The following CSMD1 variants were observed in gnomAD, a reference collection of about 807,000 sequenced individuals.
The protein encoded by CSMD1 is CUB and sushi domain-containing protein 1.
A neutral mutation model predicts 417.5 loss-of-function variants in CSMD1; 213 were observed. The observed-to-expected ratio is 0.51, with a 90% confidence interval of 0.46 to 0.57. CSMD1 has a LOEUF of 0.57. Ranked by LOEUF, CSMD1 falls within the 20% of genes least tolerant of loss-of-function variation. The pLI is 0.00. For missense variants in CSMD1, 6,923 were observed against 4,529.7 expected, an observed-to-expected ratio of 1.53 and a Z score of -15.17; for synonymous variants, 2,862 against 1,736.8, an observed-to-expected ratio of 1.65 and a Z score of -16.11.
chr8:4,880,667 CAGAG>C (rs1212906233), intron 1 of CSMD1, among the ~76,000 whole-genome samples: 2 of 152,056 alleles, frequency 1.3e-5, no homozygotes, highest in Admixed American at 6.5e-5. Context: ...GAAGTGGAGA[CAGAG>C]AGACTTTTCT....
intron 3 of CSMD1, among the ~76,000 whole-genome samples, chr8:4,236,026 G>GTTTTTTTTTTTTTTTTTTTT (rs147378202): frequency 1.9e-5 from 2 of 108,086 alleles, no homozygotes; most frequent in African/African-American, 8.4e-5. Context: ...AATGGATATT[G>GTTTTTTTTTTTTTTTTTTTT]TTTTTTTTGT....
intron 40 of CSMD1, among the ~76,000 whole-genome samples, chr8:3,150,746 G>C (rs1010127471): frequency 6.6e-6 from 1 of 151,988 alleles, no homozygotes; most frequent in Non-Finnish European, 1.5e-5. Flanking sequence ...AAAATACGAA[G>C]GAAACCAGGA....
At chr8:4,864,476 C>G (rs541834232) in intron 1 of CSMD1, among the ~76,000 whole-genome samples, 2 of 151,930 alleles carry the variant, frequency 1.3e-5, no homozygotes, top group East Asian at 1.9e-4. Context: ...AATCATTGCT[C>G]AGAAACCCTA....
In CSMD1 at chr8:3,609,917, T is replaced by A. The variant is rs184213310; in HGVS notation, c.1097+6793A>T. Among the ~76,000 whole-genome samples, 1,059 of 140,468 alleles carry A rather than the reference T, an allele frequency of 7.5e-3. 13 individuals carry two copies. Among genetic ancestry groups the A allele is most frequent in the African/African-American group, 0.027 (1,022 of 38,506 alleles). The allele number at this position is 140,468 out of a possible 152,430, so 92.2% of individuals were successfully genotyped here. A position where few individuals can be genotyped will look rare whatever the true frequency, so the allele number is the denominator to read the frequency against. On this transcript the variant is annotated intron_variant, in intron 8 of 69. Coordinates refer to ENST00000635120, the MANE Select transcript of CSMD1 (RefSeq NM_033225.6). ...CCTGGGTTCAAACGATTCTCCTGCC[T>A]CAGCCTCCCAAGTAGCTGGGACTAC...
rs756509935 is a variant in CSMD1, at chr8:4,031,907, C to G, written c.608G>C (p.Arg203Thr). 4 of 1,612,648 alleles carry G rather than the reference C, an allele frequency of 2.5e-6. No individual in the cohort carries two copies. Among genetic ancestry groups the G allele is most frequent in the South Asian group, 1.1e-5 (1 of 90,940 alleles). Residue 203 changes from arginine to threonine, a missense_variant and splice_region_variant, in exon 4 of 70, where the codon AGA becomes ACA. Transcript: ENST00000635120. ...ASWDFPAPFCRAEGACGGTLR... is the reference protein window; with the variant it reads ...ASWDFPAPFCTAEGACGGTLR... ...CCAGCCCCCTTGTAGCACTGTACCT[C>G]TGCAAAAGGGAGCTGGGAAGTCCCA... is the stretch of plus-strand genomic sequence containing the variant.
chr8:4,158,914 T>G (rs1050748519), intron 3 of CSMD1, among the ~76,000 whole-genome samples: 3 of 152,216 alleles, frequency 2.0e-5, no homozygotes, highest in African/African-American at 4.8e-5. Context: ...ATTATCTTTC[T>G]ATAATTATTA....
chr8:3,506,996 T>C (rs920704754), intron 10 of CSMD1, among the ~76,000 whole-genome samples: 3 of 152,222 alleles, frequency 2.0e-5, no homozygotes, highest in Non-Finnish European at 2.9e-5. Context: ...GTTTCTAATA[T>C]ACATTTTCAT....
At chr8:4,731,984 A>T (rs1335490944) in intron 1 of CSMD1, among the ~76,000 whole-genome samples, 1 of 152,158 alleles carries the variant, frequency 6.6e-6, no homozygotes, top group East Asian at 1.9e-4. Flanking sequence ...CAGCGTTATG[A>T]GAAGGAGGAG....
chr8:3,567,516 G>C (rs1033170690), intron 10 of CSMD1, among the ~76,000 whole-genome samples: 1 of 147,950 alleles, frequency 6.8e-6, no homozygotes, highest in African/African-American at 2.5e-5. Flanking sequence ...GGAGGGGAGG[G>C]GGAAGGGGAT....
chr8:4,665,948 C>T (rs1026874887), intron 1 of CSMD1, among the ~76,000 whole-genome samples: 11 of 152,168 alleles, frequency 7.2e-5, no homozygotes, highest in African/African-American at 1.9e-4. Context: ...CCAACATGAC[C>T]GTGCCACTCT....
chr8:3,906,171 G>C (rs908429026), intron 5 of CSMD1, among the ~76,000 whole-genome samples: 4 of 152,076 alleles, frequency 2.6e-5, no homozygotes, highest in African/African-American at 9.7e-5. Context: ...ACCTGCATTT[G>C]TGATATGGGT....
At chr8:3,372,928 G>T (rs1810064364) in intron 18 of CSMD1, among the ~76,000 whole-genome samples, 1 of 152,148 alleles carries the variant, frequency 6.6e-6, no homozygotes, top group African/African-American at 2.4e-5. Flanking sequence ...AGAGGACGGA[G>T]GAGTCCCGAA....
intron 2 of CSMD1, among the ~76,000 whole-genome samples, chr8:4,594,154 C>T (rs1029578452): frequency 6.0e-5 from 9 of 150,318 alleles, no homozygotes; most frequent in Non-Finnish European, 1.2e-4. Flanking sequence ...TTAGGACCCA[C>T]TCCAATTACC....
At chr8:4,588,900 G>T (rs935832565) in intron 2 of CSMD1, among the ~76,000 whole-genome samples, 1 of 152,094 alleles carries the variant, frequency 6.6e-6, no homozygotes, top group East Asian at 1.9e-4. Flanking sequence ...ACACTCCAGG[G>T]TGCCCTTTCA....
Position 3,106,494 on chromosome 8 carries a change from A to T in CSMD1, c.6949+34T>A, listed in dbSNP as rs755993743. ...ACAATACAATTTTCCATGTTGAATA[A>T]GTTTATGTAGTTTTAGTATCGAACA... On this transcript the variant is annotated intron_variant, in intron 46 of 69. Coordinates refer to ENST00000635120, the MANE Select transcript of CSMD1 (RefSeq NM_033225.6). The T allele has an allele frequency of 3.1e-6, 4 of 1,305,210 alleles. No individual in the cohort carries two copies. The African/African-American group carries it at 4.4e-5, about 14-fold the overall frequency. The allele number at this position is 1,305,210 out of a possible 1,614,324, so 80.9% of individuals were successfully genotyped here.
intron 18 of CSMD1, among the ~76,000 whole-genome samples, chr8:3,377,642 C>T (rs1260261856): frequency 6.6e-6 from 1 of 152,098 alleles, no homozygotes; most frequent in Non-Finnish European, 1.5e-5. Context: ...TTTGCTAAAC[C>T]TCCAGGAATT....
chr8:3,686,712 T>A (rs1212470757), intron 7 of CSMD1, among the ~76,000 whole-genome samples: 5 of 152,308 alleles, frequency 3.3e-5, no homozygotes, highest in Admixed American at 6.5e-5. Context: ...CTCGCCCAAG[T>A]CCCTTGGCCT....
chr8:4,883,002 A>G (rs1207656007), intron 1 of CSMD1, among the ~76,000 whole-genome samples: 3 of 152,080 alleles, frequency 2.0e-5, no homozygotes, highest in Non-Finnish European at 2.9e-5. Flanking sequence ...AAAATTGACA[A>G]TTAGCTGAGA....
intron 3 of CSMD1, among the ~76,000 whole-genome samples, chr8:4,076,346 A>C (rs967428792): frequency 2.6e-5 from 4 of 152,204 alleles, no homozygotes; most frequent in Non-Finnish European, 4.4e-5. Flanking sequence ...TGTGTCAATC[A>C]AACCTCTTTC....
Sources: allele counts gnomAD v4.1 joint callset (sites outside exome capture counted in the v4.1 genomes callset), GRCh38; gene constraint gnomAD v4.1.1; transcripts MANE v1.5; gene names NCBI Gene and HGNC (gene_info 2026-07-23, HGNC 2026-07-21).